Variants in IL1RAPL2 observed in about 807,000 individuals in gnomAD.
IL1RAPL2 encodes the protein X-linked interleukin-1 receptor accessory protein-like 2.
A neutral mutation model predicts 44.1 loss-of-function variants in IL1RAPL2; 3 were observed. The ratio of observed to expected loss-of-function variants is 0.07; its 90% CI spans 0.03 to 0.18. The LOEUF is 0.18. IL1RAPL2 is among the 10% of genes least tolerant of loss of function. The pLI is 1.00. For synonymous variants in IL1RAPL2, 181 were observed against 178.8 expected, an observed-to-expected ratio of 1.01 and a Z score of -0.10; for missense variants, 391 against 496.4, an observed-to-expected ratio of 0.79 and a Z score of 2.02.
At chrX:105,388,441 C>T (rs1438112645) in intron 5 of IL1RAPL2, among the ~76,000 whole-genome samples, 2 of 94,551 alleles carry the variant, frequency 2.1e-5, no homozygotes, top group African/African-American at 4.3e-5. Flanking sequence ...TTGTTGTGAG[C>T]ACAAATTTTC....
chrX:104,799,313 G>A (rs774429863), intron 2 of IL1RAPL2, among the ~76,000 whole-genome samples: 4 of 111,633 alleles, frequency 3.6e-5, no homozygotes, highest in East Asian at 2.8e-4. Flanking sequence ...GCCTCCTCCC[G>A]GCTCTGCCAC....
chrX:105,017,657 G>A (rs377676095), intron 2 of IL1RAPL2, among the ~76,000 whole-genome samples: 1 of 111,058 alleles, frequency 9.0e-6, no homozygotes, highest in African/African-American at 3.3e-5. Context: ...CAAAGAGGTT[G>A]CATAATTGAG....
At chrX:104,588,096 T>C (rs1275237722) in intron 1 of IL1RAPL2, among the ~76,000 whole-genome samples, 2 of 112,095 alleles carry the variant, frequency 1.8e-5, no homozygotes, top group African/African-American at 6.5e-5. Context: ...ATGCTGCGTA[T>C]CACCTGCCTC....
rs10617025 is a variant in IL1RAPL2 at position 105,728,912 on chromosome X, C to CT, written c.902+11423dup. On this transcript the variant is annotated intron_variant, in intron 7 of 10. Coordinates refer to ENST00000372582, the MANE Select transcript of IL1RAPL2 (RefSeq NM_017416.2). Reference sequence around the variant, plus strand: ...TCAAAAACTCTTGGTAACCAATGATCTTTTTTTAGTCTTTATAGTCTTTAT... The same window carrying CT: ...TCAAAAACTCTTGGTAACCAATGATCTTTTTTTTAGTCTTTATAGTCTTTAT... Among the ~76,000 whole-genome samples the CT allele has an allele frequency of 1.3e-4, 14 of 110,793 alleles. 1 individual carries two copies. The highest frequency in any genetic ancestry group is 8.7e-4 in the Admixed American group (9 of 10,400).
At chrX:105,620,953 C>T (rs2037415112) in intron 6 of IL1RAPL2, among the ~76,000 whole-genome samples, 1 of 110,889 alleles carries the variant, frequency 9.0e-6, no homozygotes, top group African/African-American at 3.3e-5. Context: ...AAGATTGGAC[C>T]CATGGCCTTG....
At chrX:105,248,848 C>T (rs888170191) in intron 4 of IL1RAPL2, among the ~76,000 whole-genome samples, 3 of 111,018 alleles carry the variant, frequency 2.7e-5, no homozygotes, top group East Asian at 2.8e-4. Flanking sequence ...CAATAACAAA[C>T]GCTACTGAGG....
chrX:104,879,365 T>TAAAA lies in IL1RAPL2; in HGVS notation c.82+220386_82+220389dup, dbSNP rs753494292. Among the ~76,000 whole-genome samples, 74 of 31,027 alleles carry TAAAA rather than the reference T, an allele frequency of 2.4e-3. 4 individuals carry two copies. Among genetic ancestry groups the TAAAA allele is most frequent in the African/African-American group, 0.012 (65 of 5,383 alleles). The allele number at this position is 31,027 out of a possible 115,157, so 26.9% of individuals were successfully genotyped here. A position where few individuals can be genotyped will look rare whatever the true frequency, so the allele number is the denominator to read the frequency against. On this transcript the variant is annotated intron_variant, in intron 2 of 10. Coordinates refer to ENST00000372582, the MANE Select transcript of IL1RAPL2 (RefSeq NM_017416.2). ...TGTAAAAGAGACCAAGCAAAACTAG[T>TAAAA]AAAAAAAAAAAAAAAAAAAGAGTGC...
At chrX:105,448,695 C>T (rs1048298250) in intron 5 of IL1RAPL2, among the ~76,000 whole-genome samples, 2 of 110,828 alleles carry the variant, frequency 1.8e-5, no homozygotes, top group Admixed American at 9.6e-5. Flanking sequence ...TTTGCCCTTT[C>T]CAGGCTTTTT....
At chrX:104,851,592 A>G (rs1922225956) in intron 2 of IL1RAPL2, among the ~76,000 whole-genome samples, 1 of 111,963 alleles carries the variant, frequency 8.9e-6, no homozygotes, top group Admixed American at 9.5e-5. Context: ...AATAGAGAGT[A>G]CAAAGGACTC....
intron 2 of IL1RAPL2, among the ~76,000 whole-genome samples, chrX:104,676,722 C>T (rs1470756770): frequency 8.9e-6 from 1 of 112,183 alleles, no homozygotes; most frequent in Admixed American, 9.4e-5. Context: ...TTCTCCCCGT[C>T]ACTTTCAGAT....
At chrX:105,409,382 A>G (rs1432534941) in intron 5 of IL1RAPL2, among the ~76,000 whole-genome samples, 1 of 112,133 alleles carries the variant, frequency 8.9e-6, no homozygotes, top group Non-Finnish European at 1.9e-5. Context: ...TGGAGACACT[A>G]CTATGTTCTA....
At chrX:105,564,822 C>T (rs1312641069) in intron 6 of IL1RAPL2, among the ~76,000 whole-genome samples, 1 of 112,040 alleles carries the variant, frequency 8.9e-6, no homozygotes, top group African/African-American at 3.2e-5. Flanking sequence ...CATGCCTGCT[C>T]TGCCTTGCCT....
chrX:104,909,599 T>A (rs1159348930), intron 2 of IL1RAPL2, among the ~76,000 whole-genome samples: 8 of 111,698 alleles, frequency 7.2e-5, no homozygotes, highest in Non-Finnish European at 1.3e-4. Context: ...TGGAGTCCCC[T>A]TGCCGTGTGA....
chrX:105,720,834 A>G (rs2038297143), intron 7 of IL1RAPL2, among the ~76,000 whole-genome samples: 1 of 110,876 alleles, frequency 9.0e-6, no homozygotes, highest in Non-Finnish European at 1.9e-5. Context: ...TTTGATTTAT[A>G]GGAAAATCAT....
chrX:104,666,098 T>TGTGG (rs757075213), intron 2 of IL1RAPL2, among the ~76,000 whole-genome samples: 1 of 107,332 alleles, frequency 9.3e-6, no homozygotes, highest in East Asian at 2.9e-4. Context: ...ACCTTAAAAG[T>TGTGG]GTGTGTGTGT....
At chrX:104,741,044 C>A (rs984940465) in intron 2 of IL1RAPL2, among the ~76,000 whole-genome samples, 2 of 111,555 alleles carry the variant, frequency 1.8e-5, no homozygotes, top group Non-Finnish European at 3.8e-5. Flanking sequence ...GAGGCATATA[C>A]CTATCTCACA....
chrX:105,048,148 G>A (rs1191390719), intron 2 of IL1RAPL2, among the ~76,000 whole-genome samples: 2 of 111,606 alleles, frequency 1.8e-5, no homozygotes, highest in African/African-American at 6.5e-5. Context: ...AAGAGAGAGA[G>A]GAACCACAGC....
At chrX:104,820,297 C>A (rs886675991) in intron 2 of IL1RAPL2, among the ~76,000 whole-genome samples, 3 of 111,657 alleles carry the variant, frequency 2.7e-5, no homozygotes, top group Non-Finnish European at 5.6e-5. Context: ...CTGAGCCCAG[C>A]CATTTGGTTT....
At chrX:105,353,410 G>C (rs572407946) in intron 5 of IL1RAPL2, among the ~76,000 whole-genome samples, 2 of 111,366 alleles carry the variant, frequency 1.8e-5, no homozygotes, top group African/African-American at 6.5e-5. Context: ...ACTTGGCAAC[G>C]CGGGCTCTTT....
Sources: allele counts gnomAD v4.1 joint callset (sites outside exome capture counted in the v4.1 genomes callset), GRCh38; gene constraint gnomAD v4.1.1; transcripts MANE v1.5; gene names NCBI Gene and HGNC (gene_info 2026-07-23, HGNC 2026-07-21).